The following RSU1 variants were observed in gnomAD, a reference collection of about 807,000 sequenced individuals.
RSU1 encodes the protein Ras suppressor protein 1, also known as rsu-1.
In RSU1, 26 loss-of-function variants were observed where a neutral mutation model predicts 31.1. The observed-to-expected ratio is 0.84, with a 90% CI of 0.61 to 1.16. The LOEUF is 1.16. RSU1 is among the 50% of genes most tolerant of loss of function. The pLI is 0.00. For missense variants in RSU1, 320 were observed against 339.1 expected (o/e 0.94, Z 0.44); for synonymous variants, 164 against 136.3 (o/e 1.20, Z -1.41).
At chr10:16,784,838 T>G (rs1401614727) in intron 2 of RSU1, among the ~76,000 whole-genome samples, 1 of 152,070 alleles carries the variant, frequency 6.6e-6, no homozygotes, top group East Asian at 1.9e-4. Flanking sequence ...CCACGACATG[T>G]AGGAATTATG....
intron 8 of RSU1, among the ~76,000 whole-genome samples, chr10:16,673,827 G>C (rs1429040741): frequency 6.6e-6 from 1 of 152,194 alleles, no homozygotes; most frequent in Non-Finnish European, 1.5e-5. Flanking sequence ...CAGGCTCTAA[G>C]TACTTTTTCT....
chr10:16,593,785 G>C (rs7074132), intron 8 of RSU1, among the ~76,000 whole-genome samples: 9,517 of 152,278 alleles, frequency 0.062, 793 homozygotes, highest in African/African-American at 0.19. Flanking sequence ...AAGTTCAAAA[G>C]CTTATGAGTG....
At chr10:16,719,210 A>C (rs1375428547) in intron 7 of RSU1, among the ~76,000 whole-genome samples, 1 of 151,998 alleles carries the variant, frequency 6.6e-6, no homozygotes, top group African/African-American at 2.4e-5. Flanking sequence ...CAGGAGGCTG[A>C]GGCAAGAGGA....
rs766379319 is a variant in RSU1, at chr10:16,754,856, T to C, written c.400+15A>G. 9.3e-6 allele frequency: 14 copies of C among 1,503,642 alleles called. No individual in the cohort carries two copies. In the East Asian group the frequency reaches 1.4e-4, roughly 15 times the overall value. 93.1% of individuals were successfully genotyped at this position (1,503,642 alleles called of 1,614,324 possible). ...TACAAGGTTGAGGAGATTTATAGAA[T>C]TGAAAGTTTCTTACTCAGGTAGAAG... is the stretch of plus-strand genomic sequence containing the variant. On this transcript the variant is annotated intron_variant, in intron 5 of 8. Coordinates refer to ENST00000345264, the MANE Select transcript of RSU1 (RefSeq NM_012425.4).
At chr10:16,783,714 G>T (rs1339302046) in intron 2 of RSU1, among the ~76,000 whole-genome samples, 1 of 151,398 alleles carries the variant, frequency 6.6e-6, no homozygotes, top group African/African-American at 2.4e-5. Flanking sequence ...TTATAGAGAA[G>T]TTCAAAATGC....
At chr10:16,722,469 G>C (rs1360410425) in intron 7 of RSU1, among the ~76,000 whole-genome samples, 1 of 152,220 alleles carries the variant, frequency 6.6e-6, no homozygotes, top group Non-Finnish European at 1.5e-5. Flanking sequence ...AGGAGTGGAG[G>C]AGCCCAACCT....
chr10:16,729,150 G>A (rs1410376840), intron 7 of RSU1, among the ~76,000 whole-genome samples: 1 of 152,108 alleles, frequency 6.6e-6, no homozygotes, highest in Non-Finnish European at 1.5e-5. Context: ...AAGCATCTAT[G>A]GAAGCTTTTG....
intron 2 of RSU1, among the ~76,000 whole-genome samples, chr10:16,808,932 C>T (rs548251813): frequency 2.6e-5 from 4 of 152,266 alleles, no homozygotes; most frequent in South Asian, 2.1e-4. Flanking sequence ...AGCAAGAAGA[C>T]GGCCACCTGC....
chr10:16,800,439 T>A (rs1019622818), intron 2 of RSU1, among the ~76,000 whole-genome samples: 5 of 152,054 alleles, frequency 3.3e-5, no homozygotes, highest in African/African-American at 4.8e-5. Flanking sequence ...GTAACAAAAA[T>A]AAAGAGCGCC....
At chr10:16,740,199 T>C (rs1358724721) in intron 7 of RSU1, among the ~76,000 whole-genome samples, 1 of 151,690 alleles carries the variant, frequency 6.6e-6, no homozygotes, top group Non-Finnish European at 1.5e-5. Flanking sequence ...CGTGGAAAAA[T>C]TTTAAGTAAA....
intron 7 of RSU1, among the ~76,000 whole-genome samples, chr10:16,705,147 T>C (rs1465471546): frequency 1.3e-5 from 2 of 152,204 alleles, no homozygotes; most frequent in Non-Finnish European, 2.9e-5. Context: ...ACTGGCTTAT[T>C]TCACTTCATA....
At chr10:16,704,593 T>C (rs1028660107) in intron 7 of RSU1, among the ~76,000 whole-genome samples, 5 of 152,222 alleles carry the variant, frequency 3.3e-5, no homozygotes, top group Non-Finnish European at 7.3e-5. Context: ...TGGGGAGTTA[T>C]ACACAAAAAC....
intron 4 of RSU1, among the ~76,000 whole-genome samples, chr10:16,756,982 TGTGTGTATAGG>T (rs1448641734): frequency 6.7e-6 from 1 of 149,604 alleles, no homozygotes; most frequent in Admixed American, 6.7e-5. Context: ...TGTGGTGTGG[TGTGTGTATAGG>T]GTGTGTTTGG....
intron 3 of RSU1, among the ~76,000 whole-genome samples, chr10:16,765,333 A>AAC (rs568196594): frequency 8.0e-4 from 121 of 151,980 alleles, no homozygotes; most frequent in African/African-American, 2.8e-3. Context: ...CTTGATCAGT[A>AAC]ACACACACAC....
rs1833520010 is a variant in RSU1, at chr10:16,592,309, T to TTGAC, written c.*1081_*1084dup. 1.3e-5 allele frequency: 2 copies of TTGAC among 152,272 alleles called. No individual in the cohort carries two copies. The highest frequency in any genetic ancestry group is 4.1e-4 in the South Asian group (2 of 4,822). The allele number at this position is 152,272 out of a possible 1,614,324, so 9.4% of individuals were successfully genotyped here. A position where few individuals can be genotyped will look rare whatever the true frequency, so the allele number is the denominator to read the frequency against. On this transcript the variant is annotated 3_prime_UTR_variant, in exon 9 of 9. Coordinates refer to ENST00000345264, the MANE Select transcript of RSU1 (RefSeq NM_012425.4). ...TTTTTTTTGTGTCGGCCTTCTGGGGTTGACAGCCCTTTCAGTGAGCACAAA... is the reference window on the plus strand; with the variant it reads ...TTTTTTTTGTGTCGGCCTTCTGGGGTTGACTGACAGCCCTTTCAGTGAGCACAAA...
intron 8 of RSU1, among the ~76,000 whole-genome samples, chr10:16,642,275 A>G (rs947908680): frequency 2.5e-4 from 38 of 152,178 alleles, no homozygotes; most frequent in Non-Finnish European, 1.5e-5. Flanking sequence ...ATGGTAATAA[A>G]TGTATGCAAA....
intron 3 of RSU1, among the ~76,000 whole-genome samples, chr10:16,764,803 G>C (rs1025424385): frequency 2.0e-5 from 3 of 152,098 alleles, no homozygotes; most frequent in African/African-American, 7.2e-5. Flanking sequence ...GAGAATTTCT[G>C]TACCATAAAC....
intron 7 of RSU1, among the ~76,000 whole-genome samples, chr10:16,750,740 C>T (rs1836960587): frequency 6.6e-6 from 1 of 152,124 alleles, no homozygotes; most frequent in East Asian, 1.9e-4. Context: ...GAAGAATTCA[C>T]CTCACACATG....
intron 2 of RSU1, among the ~76,000 whole-genome samples, chr10:16,789,209 T>G (rs1181976886): frequency 6.6e-6 from 1 of 152,254 alleles, no homozygotes; most frequent in Non-Finnish European, 1.5e-5. Context: ...AAGTTGTGTT[T>G]TCTTTTCTTT....
Sources: allele counts gnomAD v4.1 joint callset (sites outside exome capture counted in the v4.1 genomes callset), GRCh38; gene constraint gnomAD v4.1.1; transcripts MANE v1.5; gene names NCBI Gene and HGNC (gene_info 2026-07-23, HGNC 2026-07-21).